Variants in COLEC12 observed in about 807,000 individuals in gnomAD.
The protein encoded by COLEC12 is collectin-12.
Under a neutral mutation model 71.1 loss-of-function variants are expected in COLEC12, and 33 were observed. That is an observed-to-expected ratio of 0.46 (90% CI 0.35 to 0.62). The LOEUF (loss-of-function observed/expected upper bound fraction) is 0.62. COLEC12 is among the 20% of genes least tolerant of loss of function. The pLI, the probability that COLEC12 is intolerant of heterozygous loss-of-function variation, is 0.00. For synonymous variants in COLEC12, 350 were observed against 353.0 expected, an observed-to-expected ratio of 0.99 and a Z score of 0.10; for missense variants, 765 against 916.1, an observed-to-expected ratio of 0.84 and a Z score of 2.13.
intron 2 of COLEC12, among the ~76,000 whole-genome samples, chr18:371,902 G>A (rs12967381): frequency 0.065 from 9,943 of 152,170 alleles, 483 homozygotes; most frequent in South Asian, 0.19. Flanking sequence ...AGCAGTCATC[G>A]GCACAGCAGT....
intron 5 of COLEC12, among the ~76,000 whole-genome samples, chr18:342,412 G>A (rs891160133): frequency 6.6e-6 from 1 of 152,240 alleles, no homozygotes; most frequent in African/African-American, 2.4e-5. Context: ...TCCTAATGCG[G>A]CAAATGTCTA....
intron 2 of COLEC12, among the ~76,000 whole-genome samples, chr18:369,646 T>A (rs1419239516): frequency 3.3e-5 from 5 of 152,146 alleles, no homozygotes; most frequent in African/African-American, 1.2e-4. Context: ...AAAATTTCCA[T>A]GGAAACAAGG....
chr18:387,435 A>T (rs1915369511), intron 2 of COLEC12, among the ~76,000 whole-genome samples: 1 of 152,144 alleles, frequency 6.6e-6, no homozygotes, highest in Non-Finnish European at 1.5e-5. Context: ...CATCAAAAAA[A>T]TTAAACGAAA....
At chr18:453,882 G>A (rs1916811924) in intron 2 of COLEC12, among the ~76,000 whole-genome samples, 1 of 152,134 alleles carries the variant, frequency 6.6e-6, no homozygotes, top group Non-Finnish European at 1.5e-5. Context: ...TTCCCTGATA[G>A]CCACATCAGC....
chr18:324,587 G>A (rs1316439227), intron 8 of COLEC12, among the ~76,000 whole-genome samples: 3 of 151,990 alleles, frequency 2.0e-5, no homozygotes, highest in Non-Finnish European at 4.4e-5. Context: ...CCAGCACTTT[G>A]GGAGGCCGAG....
chr18:465,022 A>G (rs916341049), intron 2 of COLEC12, among the ~76,000 whole-genome samples: 11 of 152,124 alleles, frequency 7.2e-5, no homozygotes, highest in Admixed American at 6.5e-4. Flanking sequence ...ATTCTCCCTC[A>G]AGCTTTTTTA....
chr18:333,232 G>C, intron 6 of COLEC12, 89 bp from the exon 7 acceptor site: 3 of 1,115,572 alleles, frequency 2.7e-6, no homozygotes, highest in Non-Finnish European at 3.9e-6. Flanking sequence ...CCAAAACTGT[G>C]GTCCCGCTGG....
At chr18:420,721 T>C (rs1330709389) in intron 2 of COLEC12, among the ~76,000 whole-genome samples, 1 of 152,212 alleles carries the variant, frequency 6.6e-6, no homozygotes, top group Non-Finnish European at 1.5e-5. Context: ...ATATTTCTTA[T>C]TTTTTGTATA....
intron 1 of COLEC12, among the ~76,000 whole-genome samples, chr18:493,972 C>T (rs997913481): frequency 6.6e-6 from 1 of 151,938 alleles, no homozygotes; most frequent in Non-Finnish European, 1.5e-5. Context: ...TCAGTAGGCA[C>T]GTGAGCAATA....
At chr18:429,344 A>G (rs902432047) in intron 2 of COLEC12, among the ~76,000 whole-genome samples, 2 of 152,162 alleles carry the variant, frequency 1.3e-5, no homozygotes, top group Non-Finnish European at 2.9e-5. Flanking sequence ...ATTTGATTGT[A>G]AATAACACAA....
intron 2 of COLEC12, among the ~76,000 whole-genome samples, chr18:412,026 G>A (rs756022719): frequency 5.3e-5 from 8 of 152,110 alleles, no homozygotes; most frequent in Non-Finnish European, 8.8e-5. Flanking sequence ...AGAGGAGAAA[G>A]GAGGAGCAGA....
At position 469,035 on chromosome 18, in the gene COLEC12, G is replaced by A. The variant is rs73944752; in HGVS notation, c.58+11672C>T. On this transcript the variant is annotated intron_variant, in intron 2 of 9. Coordinates refer to ENST00000400256, the MANE Select transcript of COLEC12 (RefSeq NM_130386.3). Reference sequence around the variant, plus strand: ...CGATGGCGTGCGCAGCACATGGAAGGATGCTGCCTTCCAAACTTCTTTTAC... The same window carrying A: ...CGATGGCGTGCGCAGCACATGGAAGAATGCTGCCTTCCAAACTTCTTTTAC... 5.4e-3 allele frequency among the ~76,000 whole-genome samples: 821 copies of A among 152,374 alleles called. 8 individuals carry two copies. Among genetic ancestry groups the A allele is most frequent in the African/African-American group, 0.018 (769 of 41,594 alleles).
intron 2 of COLEC12, among the ~76,000 whole-genome samples, chr18:400,870 T>TTG (rs112091244): frequency 0.016 from 2,401 of 151,390 alleles, 63 homozygotes; most frequent in African/African-American, 0.054. Flanking sequence ...AAATAACAAT[T>TTG]TGTGTGTGTG....
chr18:487,670 C>G (rs1010230485), intron 1 of COLEC12, among the ~76,000 whole-genome samples: 3 of 152,154 alleles, frequency 2.0e-5, no homozygotes, highest in Admixed American at 2.0e-4. Context: ...CAACTGAATG[C>G]TCAGACCCTG....
At chr18:392,140 A>G (rs1299104174) in intron 2 of COLEC12, among the ~76,000 whole-genome samples, 1 of 152,166 alleles carries the variant, frequency 6.6e-6, no homozygotes, top group African/African-American at 2.4e-5. Context: ...ATTCTTGCCA[A>G]TCAAATGGAT....
chr18:403,539 G>A (rs1009125776), intron 2 of COLEC12, among the ~76,000 whole-genome samples: 1 of 152,158 alleles, frequency 6.6e-6, no homozygotes, highest in Non-Finnish European at 1.5e-5. Context: ...GTGAGACAAC[G>A]TGTGTTTTGC....
intron 1 of COLEC12, among the ~76,000 whole-genome samples, chr18:498,999 T>C (rs1275914787): frequency 6.6e-6 from 1 of 152,202 alleles, no homozygotes; most frequent in East Asian, 1.9e-4. Context: ...GTGGTTAATC[T>C]TCCCAAGTTT....
At chr18:466,889 C>T (rs1182678922) in intron 2 of COLEC12, among the ~76,000 whole-genome samples, 2 of 152,104 alleles carry the variant, frequency 1.3e-5, no homozygotes, top group African/African-American at 4.8e-5. Flanking sequence ...AACTTCCTAC[C>T]GTGTCCAGCC....
At chr18:368,758 T>C (rs78276288) in intron 2 of COLEC12, among the ~76,000 whole-genome samples, 17,571 of 151,630 alleles carry the variant, frequency 0.12, 1,180 homozygotes, top group Non-Finnish European at 0.16. Flanking sequence ...CCCAGCTACT[T>C]CTGAGGCTGA....
Sources: allele counts gnomAD v4.1 joint callset (sites outside exome capture counted in the v4.1 genomes callset), GRCh38; gene constraint gnomAD v4.1.1; transcripts MANE v1.5; gene names NCBI Gene and HGNC (gene_info 2026-07-23, HGNC 2026-07-21).